The following MYO15A variants were observed in gnomAD, a reference collection of about 807,000 sequenced individuals.
The protein encoded by MYO15A is unconventional myosin-XV.
In MYO15A, 308 loss-of-function variants were observed where a neutral mutation model predicts 394.6. The observed-to-expected ratio is 0.78, with a 90% CI of 0.71 to 0.86. MYO15A has a LOEUF of 0.86. Ranked by LOEUF, MYO15A falls within the 40% of genes least tolerant of loss-of-function variation. MYO15A has a pLI of 0.00. For synonymous variants in MYO15A, 1,957 were observed against 2,003.8 expected (o/e 0.98, Z 0.62); for missense variants, 4,606 against 4,799.1 (o/e 0.96, Z 1.19).
chr17:18,150,369 G>T lies in MYO15A; in HGVS notation c.7213-60G>T, dbSNP rs2046557828. On this transcript the variant is annotated intron_variant, in intron 35 of 65. Coordinates refer to ENST00000647165, the MANE Select transcript of MYO15A (RefSeq NM_016239.4). The surrounding 1 kb of genome is among the most constrained non-coding windows in gnomAD (Gnocchi z 4.4). Reference sequence around the variant, plus strand: ...AAGAGGCCAGTGTCAGGTGCCTGTTGCCATGGAACCTTGGGAGTACAATAA... The same window carrying T: ...AAGAGGCCAGTGTCAGGTGCCTGTTTCCATGGAACCTTGGGAGTACAATAA... 3 of 1,503,478 alleles carry T rather than the reference G, an allele frequency of 2.0e-6. No homozygotes were observed. The highest frequency in any genetic ancestry group is 3.4e-5 in the Admixed American group (2 of 59,490). The allele number at this position is 1,503,478 out of a possible 1,614,324, so 93.1% of individuals were successfully genotyped here.
intron 57 of MYO15A, 32 bp from the exon 58 acceptor site, chr17:18,162,553 T>C: frequency 6.2e-7 from 1 of 1,605,934 alleles, no homozygotes; most frequent in Admixed American, 1.7e-5. Context: ...ACAGTCCACC[T>C]TGGGCGAGGC....
chr17:18,156,115 G>T lies in MYO15A; in HGVS notation c.8460-80G>T, dbSNP rs937945121. The T allele has an allele frequency of 3.1e-6, 5 of 1,607,828 alleles. No individual in the cohort carries two copies. The Admixed American group carries it at 5.0e-5, about 16-fold the overall frequency. ...TGGGGCTGGGCTTCAAATGGGGCAG[G>T]ACAGGATCAGAAGCAGCACAATAGG... On this transcript the variant is annotated intron_variant, in intron 47 of 65. Coordinates refer to ENST00000647165, the MANE Select transcript of MYO15A (RefSeq NM_016239.4).
chr17:18,163,947 C>T, intron 60 of MYO15A, 109 bp downstream of exon 60: 1 of 1,083,888 alleles, frequency 9.2e-7, no homozygotes, highest in Non-Finnish European at 1.4e-6. Context: ...GCCACTTCCT[C>T]CAGGAAGCCC....
At chr17:18,133,841 A>G (rs1480865776) in intron 12 of MYO15A, among the ~76,000 whole-genome samples, 1 of 152,154 alleles carries the variant, frequency 6.6e-6, no homozygotes, top group Non-Finnish European at 1.5e-5. Context: ...TATTTTTAGT[A>G]GAGACGGGGT....
At chr17:18,138,574 G>T (rs2046322045) in intron 17 of MYO15A, among the ~76,000 whole-genome samples, 1 of 152,198 alleles carries the variant, frequency 6.6e-6, no homozygotes, top group Non-Finnish European at 1.5e-5. Flanking sequence ...TTGGCCTGGA[G>T]GGGAGGCAGT....
chr17:18,143,727 C>T lies in MYO15A; in HGVS notation c.5977C>T (p.Arg1993Trp), dbSNP rs759663463. Residue 1993 changes from arginine (R) to tryptophan (W), a missense_variant, in exon 27 of 66, where the codon CGG (arginine) becomes TGG (tryptophan). Physicochemically the swap from Arg to Trp is moderately radical, Grantham distance 101. Around this residue, in one of 2 missense-constraint regions of MYO15A, gnomAD observed 2,776 missense variants for 3,109.3 expected, o/e 0.89. Transcript: ENST00000647165. ...LLWEQEELSK[R>W]EVVAVGHLEV... The stretch of plus-strand genomic sequence containing the variant: ...ACTGTCCCTCTAGGAGCTGAGCAAG[C>T]GGGAGGTAGTCGCTGTGGGGCACCT... 30 of 1,597,272 alleles carry T rather than the reference C, an allele frequency of 1.9e-5. No homozygotes were observed. Among genetic ancestry groups the T allele is most frequent in the South Asian group, 1.1e-4 (10 of 88,114 alleles).
In MYO15A at chr17:18,169,159, A is replaced by AT. The variant is rs56204514; in HGVS notation, c.10082+1436_10082+1437insT. 8.8e-5 allele frequency among the ~76,000 whole-genome samples: 8 copies of AT among 90,398 alleles called. 1 individual carries two copies. The highest frequency in any genetic ancestry group is 8.4e-4 in the East Asian group (4 of 4,734). The allele number at this position is 90,398 out of a possible 152,430, so 59.3% of individuals were successfully genotyped here. Reference sequence around the variant, plus strand: ...AATAATAATAATAATAATAATAATAAAAATAGGCTGGGCACAGTGGCTCAC... The same window carrying AT: ...AATAATAATAATAATAATAATAATAATAAATAGGCTGGGCACAGTGGCTCAC... On this transcript the variant is annotated intron_variant, in intron 62 of 65. Coordinates refer to ENST00000647165, the MANE Select transcript of MYO15A (RefSeq NM_016239.4).
intron 63 of MYO15A, 85 bp from the exon 64 acceptor site, chr17:18,172,072 C>T (rs891583635): frequency 7.5e-6 from 12 of 1,606,240 alleles, no homozygotes; most frequent in Non-Finnish European, 1.0e-5. Flanking sequence ...TGGACACAGC[C>T]CAGAGAAGCT....
intron 4 of MYO15A, 55 bp from the exon 5 acceptor site, chr17:18,126,292 G>A: frequency 2.0e-5 from 28 of 1,395,780 alleles, no homozygotes; most frequent in Non-Finnish European, 2.5e-5. Flanking sequence ...AGGGGAGGGA[G>A]GGACATAGAG....
intron 2 of MYO15A, 69 bp downstream of exon 2, chr17:18,122,478 C>A (rs1039948462): frequency 2.6e-6 from 4 of 1,544,422 alleles, no homozygotes; most frequent in Non-Finnish European, 3.5e-6. Flanking sequence ...GAGAGACAGC[C>A]TGAGGAGCCC....
In MYO15A at chr17:18,120,178, C is replaced by A; in HGVS notation, c.1378C>A (p.Gln460Lys). The A allele has an allele frequency of 6.2e-7, 1 of 1,612,912 alleles. No individual in the cohort carries two copies. Among genetic ancestry groups the A allele is most frequent in the East Asian group, 2.2e-5 (1 of 44,882 alleles). ...CCTGCCCAGCGCCGCCTTCTTCGAG[C>A]AGCAAGGCATGGATAAGCCCGCCAG... Reference protein sequence around the residue: ...FRLPSAAFFEQQGMDKPARSK... With the variant: ...FRLPSAAFFEKQGMDKPARSK... The change falls in exon 2 of 66, where the codon CAG becomes AAG. Residue 460 changes from glutamine (Q) to lysine (K), a missense_variant. This residue lies in a region of MYO15A where 1,830 missense variants were observed against 1,689.7 expected (regional missense o/e 1.08). Transcript: ENST00000647165.
chr17:18,173,277 T>C (rs535791137), intron 64 of MYO15A, among the ~76,000 whole-genome samples: 6 of 152,312 alleles, frequency 3.9e-5, no homozygotes, highest in South Asian at 4.1e-4. Context: ...GGTCCAAGTT[T>C]GCTTCCTGGG....
Position 18,126,477 on chromosome 17 carries a change from GC to G in MYO15A, c.3866+24del, listed in dbSNP as rs753580101. The G allele has an allele frequency of 1.3e-4, 207 of 1,606,140 alleles. No individual in the cohort carries two copies. In the African/African-American group the frequency reaches 2.4e-3, roughly 19 times the overall value. On this transcript the variant is annotated intron_variant, in intron 5 of 65. Coordinates refer to ENST00000647165, the MANE Select transcript of MYO15A (RefSeq NM_016239.4). ...CCCCCGTGAGTGTCTCGGGGGCGCT[GC>G]CCTGGGGTCTCTTGGGCCCCTCTTT...
intron 56 of MYO15A, 135 bp downstream of exon 56, chr17:18,160,152 A>G (rs1677383159): frequency 1.2e-6 from 1 of 849,418 alleles, no homozygotes; most frequent in Non-Finnish European, 1.9e-6. Flanking sequence ...CACTCAATAG[A>G]GCACGTTTTT....
chr17:18,133,801 C>T (rs1013943376), intron 12 of MYO15A, among the ~76,000 whole-genome samples: 4 of 151,844 alleles, frequency 2.6e-5, no homozygotes, highest in Non-Finnish European at 1.5e-5. Context: ...GGATTACAGG[C>T]ACACACCACT....
intron 47 of MYO15A, 199 bp from the exon 48 acceptor site, chr17:18,155,996 G>C: frequency 1.4e-6 from 1 of 704,626 alleles, no homozygotes; most frequent in Non-Finnish European, 2.4e-6. Context: ...TCAGCCCAAA[G>C]GGTGGTAGGA....
At chr17:18,144,756 T>C (rs2046446632) in intron 29 of MYO15A, among the ~76,000 whole-genome samples, 164 bp downstream of exon 29, 2 of 147,100 alleles carry the variant, frequency 1.4e-5, no homozygotes, top group Non-Finnish European at 3.0e-5. Flanking sequence ...TCTGGCTTCC[T>C]CTCTGAGGAC....
At position 18,121,020 on chromosome 17, in the gene MYO15A, G is replaced by A. The variant is rs1342788742; in HGVS notation, c.2220G>A (p.Gly740=). Reference sequence around the variant, plus strand: ...CCCCCGACCTACTAGCCTTCCCAGGGCCCCGACCCTCGTTCAGGGGCTCCC... The same window carrying A: ...CCCCCGACCTACTAGCCTTCCCAGGACCCCGACCCTCGTTCAGGGGCTCCC... ...EVPPDLLAFP[G]PRPSFRGSRR... Residue 740 remains glycine (G), a synonymous_variant, in exon 2 of 66, where the codon GGG becomes GGA. Transcript: ENST00000647165. The surrounding 1 kb of genome is among the most constrained non-coding windows in gnomAD (Gnocchi z 5.3). The A allele has an allele frequency of 1.3e-6, 2 of 1,508,474 alleles. No homozygotes were observed. The highest frequency in any genetic ancestry group is 1.4e-5 in the African/African-American group (1 of 69,408). 93.4% of individuals were successfully genotyped at this position (1,508,474 alleles called of 1,614,324 possible). A position where few individuals can be genotyped will look rare whatever the true frequency, so the allele number is the denominator to read the frequency against.
At position 18,163,110 on chromosome 17, in the gene MYO15A, G is replaced by T; in HGVS notation, c.9613-134G>T. 1.0e-5 allele frequency: 9 copies of T among 901,514 alleles called. No individual in the cohort carries two copies. In the South Asian group the frequency reaches 1.0e-4, roughly 10 times the overall value. The allele number at this position is 901,514 out of a possible 1,614,324, so 55.8% of individuals were successfully genotyped here. ...AGGGGCTTGCAGACAGGCCCTGCGC[G>T]GTCCAGGTGCTCAAGTGTTCCTACA... On this transcript the variant is annotated intron_variant, in intron 58 of 65. Transcript: ENST00000647165.
Sources: allele counts gnomAD v4.1 joint callset (sites outside exome capture counted in the v4.1 genomes callset), GRCh38; gene constraint gnomAD v4.1.1; regional missense constraint gnomAD v4.1.1; non-coding constraint Gnocchi (gnomAD v3.1); transcripts MANE v1.5; gene names NCBI Gene and HGNC (gene_info 2026-07-23, HGNC 2026-07-21).